The following CREBBP variants were observed in gnomAD, a reference collection of about 807,000 sequenced individuals.
The protein encoded by CREBBP is CREB-binding protein.
Under a neutral mutation model 265.0 loss-of-function variants are expected in CREBBP, and 19 were observed. The observed-to-expected ratio is 0.07, with a 90% confidence interval of 0.05 to 0.11. The LOEUF (loss-of-function observed/expected upper bound fraction) is 0.11, where lower values mean the gene tolerates loss of function less well. CREBBP is among the 10% of genes least tolerant of loss of function. The pLI is 1.00. For missense variants in CREBBP, 2,525 were observed against 3,219.0 expected (o/e 0.78, Z 5.22); for synonymous variants, 1,457 against 1,223.7 (o/e 1.19, Z -3.98).
chr16:3,799,123 C>T (rs2053663361), intron 3 of CREBBP, among the ~76,000 whole-genome samples: 1 of 152,154 alleles, frequency 6.6e-6, no homozygotes, highest in Non-Finnish European at 1.5e-5. Context: ...AGAATAGATA[C>T]ATCCATGGGG....
chr16:3,780,488 G>A (rs1596915001), intron 8 of CREBBP, among the ~76,000 whole-genome samples: 1 of 152,158 alleles, frequency 6.6e-6, no homozygotes, highest in Non-Finnish European at 1.5e-5. Context: ...GATAGGGGCT[G>A]CAAGTCAGTG....
At chr16:3,879,719 T>G in intron 1 of CREBBP, 113 bp downstream of exon 1, 2 of 1,157,838 alleles carry the variant, frequency 1.7e-6, no homozygotes, top group Non-Finnish European at 2.5e-6. Flanking sequence ...CTGCGGGGCC[T>G]GCTCCGAGCT....
At position 3,781,323 on chromosome 16, in the gene CREBBP, G is replaced by T. The variant is rs770186234; in HGVS notation, c.1574-17C>A. 4.4e-6 allele frequency: 7 copies of T among 1,600,074 alleles called. No individual in the cohort carries two copies. In the Admixed American group the frequency reaches 6.7e-5, roughly 15 times the overall value. On this transcript the variant is annotated splice_polypyrimidine_tract_variant and intron_variant, in intron 6 of 30. Transcript: ENST00000262367. Reference sequence around the variant, plus strand: ...GATTATTTCCTTTAAAGACAGAAAAGAAATCAATCAACAGTTAAATTTTAA... The same window carrying T: ...GATTATTTCCTTTAAAGACAGAAAATAAATCAATCAACAGTTAAATTTTAA...
At chr16:3,760,121 G>C (rs561339048) in intron 16 of CREBBP, among the ~76,000 whole-genome samples, 1 of 152,050 alleles carries the variant, frequency 6.6e-6, no homozygotes, top group Admixed American at 6.6e-5. Context: ...AGACAAGGTC[G>C]CACTCTGTTG....
intron 19 of CREBBP, among the ~76,000 whole-genome samples, chr16:3,754,078 A>G (rs900611848): frequency 3.9e-5 from 6 of 152,166 alleles, no homozygotes; most frequent in Non-Finnish European, 7.3e-5. Context: ...CTCTTCCTGT[A>G]TGACTGACTC....
intron 23 of CREBBP, among the ~76,000 whole-genome samples, chr16:3,744,677 CT>C (rs1438042362): frequency 6.6e-6 from 1 of 152,176 alleles, no homozygotes; most frequent in Non-Finnish European, 1.5e-5. Context: ...AGTGAAGCCC[CT>C]GAAGAACATT....
At chr16:3,768,180 C>A (rs2052911531) in intron 15 of CREBBP, among the ~76,000 whole-genome samples, 1 of 97,516 alleles carries the variant, frequency 1.0e-5, no homozygotes, top group African/African-American at 4.1e-5. Context: ...GAGACAGAGT[C>A]TAACACCCAG....
chr16:3,733,361 C>CAAA (rs373861759), intron 28 of CREBBP, among the ~76,000 whole-genome samples: 84 of 81,764 alleles, frequency 1.0e-3, no homozygotes, highest in East Asian at 8.0e-3. Flanking sequence ...GACTCCATCT[C>CAAA]AAAAAAAAAA....
At chr16:3,765,183 A>G (rs1567293861) in intron 16 of CREBBP, among the ~76,000 whole-genome samples, 1 of 152,204 alleles carries the variant, frequency 6.6e-6, no homozygotes, top group Non-Finnish European at 1.5e-5. Flanking sequence ...TCACCGTATT[A>G]GCCAGGATGG....
chr16:3,850,837 T>G lies in CREBBP; in HGVS notation c.258A>C (p.Ile86=). The G allele has an allele frequency of 6.2e-7, 1 of 1,614,196 alleles. No individual in the cohort carries two copies. The highest frequency in any genetic ancestry group is 8.5e-7 in the Non-Finnish European group (1 of 1,180,036). Reference sequence around the variant, plus strand: ...CGGGGCTGCTGGCGCTCACATTTCCTATTCCTGGGTTGATACTAGAGCCGC... The same window carrying G: ...CGGGGCTGCTGGCGCTCACATTTCCGATTCCTGGGTTGATACTAGAGCCGC... ...GGSGSSINPG[I]GNVSASSPVQ... Residue 86 remains isoleucine (I), a synonymous_variant, in exon 2 of 31, where the codon ATA becomes ATC. Coordinates refer to ENST00000262367, the MANE Select transcript of CREBBP (RefSeq NM_004380.3).
rs117660129 is a variant in CREBBP, at chr16:3,795,375, T to C, written c.976-1749A>G. 6.7e-3 allele frequency among the ~76,000 whole-genome samples: 1,026 copies of C among 152,264 alleles called. 12 individuals are homozygous for C. Among genetic ancestry groups the C allele is most frequent in the Middle Eastern group, 0.017 (5 of 294 alleles). On this transcript the variant is annotated intron_variant, in intron 3 of 30. Coordinates refer to ENST00000262367, the MANE Select transcript of CREBBP (RefSeq NM_004380.3). ...AGTCCACTACTAAAGCGTTGATAGGTTTTTTTCCCTTCTTTTTTCTATATA... is the reference window on the plus strand; with the variant it reads ...AGTCCACTACTAAAGCGTTGATAGGCTTTTTTCCCTTCTTTTTTCTATATA...
At chr16:3,800,642 A>G (rs967633115) in intron 3 of CREBBP, among the ~76,000 whole-genome samples, 3 of 152,158 alleles carry the variant, frequency 2.0e-5, no homozygotes, top group African/African-American at 7.2e-5. Context: ...CAGGAGATCA[A>G]TGCTATAGTC....
intron 14 of CREBBP, among the ~76,000 whole-genome samples, chr16:3,769,800 G>C (rs1004997466): frequency 2.0e-5 from 3 of 152,198 alleles, no homozygotes; most frequent in African/African-American, 7.2e-5. Flanking sequence ...GAACACGGGT[G>C]CTGGTGGAGT....
At chr16:3,867,946 T>A (rs73503937) in intron 1 of CREBBP, among the ~76,000 whole-genome samples, 311 of 151,714 alleles carry the variant, frequency 2.0e-3, no homozygotes, top group African/African-American at 7.2e-3. Flanking sequence ...AAAATAAATT[T>A]AAAAAAATAG....
At chr16:3,800,078 T>A (rs1025642612) in intron 3 of CREBBP, among the ~76,000 whole-genome samples, 3 of 152,196 alleles carry the variant, frequency 2.0e-5, no homozygotes, top group African/African-American at 7.2e-5. Context: ...GTAAAGGCTT[T>A]AGTCACAGAA....
intron 2 of CREBBP, among the ~76,000 whole-genome samples, chr16:3,846,930 T>C (rs1005402852): frequency 6.6e-6 from 1 of 152,234 alleles, no homozygotes; most frequent in Non-Finnish European, 1.5e-5. Flanking sequence ...TGGTTGTTTG[T>C]CGTTAAACCA....
rs777811522 is a variant in CREBBP, at chr16:3,728,656, G to A, written c.6391C>T (p.Pro2131Ser). The change falls in exon 31 of 31, where the codon CCT becomes TCT. Residue 2131 changes from proline to serine, a missense_variant. By Grantham distance (74) the Pro-to-Ser change is moderately conservative. Coordinates refer to ENST00000262367, the MANE Select transcript of CREBBP (RefSeq NM_004380.3). The surrounding 1 kb of genome is among the most constrained non-coding windows in gnomAD (Gnocchi z 8.7). ...AGGCTGGGCTGCTGGTGCATGCCAGGCTGGGGTTGCATGCCGGGCTGGGAC... is the reference window on the plus strand; with the variant it reads ...AGGCTGGGCTGCTGGTGCATGCCAGACTGGGGTTGCATGCCGGGCTGGGAC... ...LQSQPGMQPQ[P>S]GMHQQPSLQN... 4 of 1,613,658 alleles carry A rather than the reference G, an allele frequency of 2.5e-6. No individual in the cohort carries two copies. Among genetic ancestry groups the A allele is most frequent in the Non-Finnish European group, 3.4e-6 (4 of 1,179,860 alleles).
At chr16:3,867,446 C>G (rs1389260587) in intron 1 of CREBBP, among the ~76,000 whole-genome samples, 2 of 151,698 alleles carry the variant, frequency 1.3e-5, no homozygotes, top group Non-Finnish European at 2.9e-5. Context: ...GAGCTATAAT[C>G]TCACCACTGC....
intron 1 of CREBBP, among the ~76,000 whole-genome samples, chr16:3,877,687 G>A (rs1194508866): frequency 1.3e-5 from 2 of 152,364 alleles, no homozygotes; most frequent in East Asian, 1.9e-4. Flanking sequence ...TTACAGGCAT[G>A]AGCCATGGCG....
Sources: allele counts gnomAD v4.1 joint callset (sites outside exome capture counted in the v4.1 genomes callset), GRCh38; gene constraint gnomAD v4.1.1; non-coding constraint Gnocchi (gnomAD v3.1); transcripts MANE v1.5; gene names NCBI Gene and HGNC (gene_info 2026-07-23, HGNC 2026-07-21).